MRPS28: variants seen among roughly 807,000 people sequenced by gnomAD.
MRPS28 encodes the protein mitochondrial ribosomal protein S28, also known as small ribosomal subunit protein bS1m.
In MRPS28, 7 loss-of-function variants were observed where a neutral mutation model predicts 10.8. The ratio of observed to expected loss-of-function variants is 0.65; its 90% CI spans 0.37 to 1.22. The LOEUF is 1.22. Among genes scored for constraint, MRPS28 ranks in the 50% most tolerant of loss-of-function variants. The pLI, the probability that MRPS28 is intolerant of heterozygous loss-of-function variation, is 0.02. For missense variants in MRPS28, 265 were observed against 232.9 expected (o/e 1.14, Z -0.90); for synonymous variants, 121 against 93.3 (o/e 1.30, Z -1.71).
Position 80,028,095 on chromosome 8 carries a change from T to C in MRPS28, c.213+1941A>G, listed in dbSNP as rs77358135. Among the ~76,000 whole-genome samples the C allele has an allele frequency of 1.7e-3, 264 of 152,298 alleles. 4 individuals are homozygous for C. Among genetic ancestry groups the C allele is most frequent in the African/African-American group, 6.0e-3 (248 of 41,564 alleles). On this transcript the variant is annotated intron_variant, in intron 1 of 2. Transcript: ENST00000276585. The stretch of plus-strand genomic sequence containing the variant: ...CTCTAAAACACCTTGGTTGTTTCCT[T>C]CATTAAATAAACAGTACATTTTTAG...
intron 1 of MRPS28, among the ~76,000 whole-genome samples, chr8:80,028,426 G>C (rs890218604): frequency 2.0e-5 from 3 of 151,832 alleles, no homozygotes; most frequent in Non-Finnish European, 4.4e-5. Context: ...TCGCTATTCT[G>C]CTAGTATTTT....
chr8:80,026,863 G>C (rs1386268736), intron 1 of MRPS28, among the ~76,000 whole-genome samples: 1 of 152,150 alleles, frequency 6.6e-6, no homozygotes, highest in African/African-American at 2.4e-5. Context: ...CCTCTAGTTA[G>C]AGCATATACT....
chr8:79,935,036 C>G (rs549118902), intron 2 of MRPS28, among the ~76,000 whole-genome samples: 1 of 152,324 alleles, frequency 6.6e-6, no homozygotes, highest in Non-Finnish European at 1.5e-5. Context: ...TATGCCAGCT[C>G]TACCTTTTAA....
chr8:79,962,545 T>C (rs1807399048), intron 2 of MRPS28, among the ~76,000 whole-genome samples: 2 of 152,138 alleles, frequency 1.3e-5, no homozygotes, highest in African/African-American at 4.8e-5. Context: ...TTTTCGTCTA[T>C]GTCCTACAAC....
chr8:79,919,699 A>AC (rs1244072103), intron 2 of MRPS28, among the ~76,000 whole-genome samples: 2 of 152,246 alleles, frequency 1.3e-5, no homozygotes, highest in Admixed American at 1.3e-4. Context: ...TTCAAGCAAG[A>AC]CAGTTCTTAA....
intron 2 of MRPS28, among the ~76,000 whole-genome samples, chr8:79,926,939 TCTC>T (rs1305851279): frequency 6.6e-6 from 1 of 152,164 alleles, no homozygotes; most frequent in Non-Finnish European, 1.5e-5. Context: ...ATGAGTCTGG[TCTC>T]CCGACTGTTC....
chr8:79,931,075 G>C (rs1455694308), intron 2 of MRPS28, among the ~76,000 whole-genome samples: 1 of 152,120 alleles, frequency 6.6e-6, no homozygotes, highest in African/African-American at 2.4e-5. Context: ...CAAAAAAATA[G>C]TGTTAGGCAT....
chr8:80,004,787 T>TA (rs1373514601), intron 1 of MRPS28, among the ~76,000 whole-genome samples: 8 of 152,282 alleles, frequency 5.3e-5, no homozygotes, highest in Non-Finnish European at 8.8e-5. Context: ...AGAGAAGTCC[T>TA]TAAATGACCT....
chr8:79,967,463 C>T (rs1807531145), intron 2 of MRPS28, among the ~76,000 whole-genome samples: 1 of 152,128 alleles, frequency 6.6e-6, no homozygotes, highest in Admixed American at 6.6e-5. Context: ...TGTCTGTTCT[C>T]GTCTAATCAG....
chr8:79,983,343 T>A (rs945075592), intron 2 of MRPS28, among the ~76,000 whole-genome samples: 4 of 151,778 alleles, frequency 2.6e-5, no homozygotes, highest in African/African-American at 9.7e-5. Flanking sequence ...GCAGAAAAAC[T>A]GGAAACTCTA....
chr8:79,948,123 T>C (rs1216944087), intron 2 of MRPS28, among the ~76,000 whole-genome samples: 1 of 151,516 alleles, frequency 6.6e-6, no homozygotes, highest in Non-Finnish European at 1.5e-5. Flanking sequence ...GAGCAGCTAG[T>C]GCTACAGATG....
chr8:80,005,350 G>T (rs1198531441), intron 1 of MRPS28, among the ~76,000 whole-genome samples: 11 of 151,130 alleles, frequency 7.3e-5, no homozygotes, highest in South Asian at 4.2e-4. Flanking sequence ...TTAAAGAAAA[G>T]AATTTTCAAC....
At chr8:79,985,169 A>G (rs1808114768) in intron 2 of MRPS28, among the ~76,000 whole-genome samples, 1 of 152,214 alleles carries the variant, frequency 6.6e-6, no homozygotes, top group Non-Finnish European at 1.5e-5. Flanking sequence ...CTGCTCCTGA[A>G]TGACTACTGG....
At chr8:79,961,389 G>A (rs1003657286) in intron 2 of MRPS28, among the ~76,000 whole-genome samples, 1 of 151,974 alleles carries the variant, frequency 6.6e-6, no homozygotes, top group African/African-American at 2.4e-5. Context: ...CCAACTTCCT[G>A]TTAATATTGA....
At chr8:79,980,792 C>T (rs1186143556) in intron 2 of MRPS28, among the ~76,000 whole-genome samples, 1 of 152,200 alleles carries the variant, frequency 6.6e-6, no homozygotes, top group Non-Finnish European at 1.5e-5. Context: ...ATATGCAGCA[C>T]ATGTTGATTT....
chr8:79,941,562 CAT>C lies in MRPS28; in HGVS notation c.396-22416_396-22415del, dbSNP rs1277026193. On this transcript the variant is annotated intron_variant, in intron 2 of 2. Coordinates refer to ENST00000276585, the MANE Select transcript of MRPS28 (RefSeq NM_014018.3). ...ATTCTCAGAGGTCTCTGAGAAGTCA[CAT>C]AGTCTAATTTCCTGTCCCTAGTCCT... 2.0e-5 allele frequency among the ~76,000 whole-genome samples: 3 copies of C among 152,244 alleles called. No homozygotes were observed. The South Asian group carries it at 6.2e-4, about 32-fold the overall frequency.
chr8:80,028,887 G>A (rs1809568914), intron 1 of MRPS28: 1 of 153,328 alleles, frequency 6.5e-6, no homozygotes, highest in Non-Finnish European at 1.5e-5. Context: ...CTTGAGCCCA[G>A]GGGGTTTAGC....
chr8:79,960,654 GA>G (rs1425143980), intron 2 of MRPS28, among the ~76,000 whole-genome samples: 1 of 152,078 alleles, frequency 6.6e-6, no homozygotes, highest in African/African-American at 2.4e-5. Flanking sequence ...TATTAGTTAG[GA>G]TTTAAAGAAA....
At chr8:80,021,840 T>C (rs1048361746) in intron 1 of MRPS28, among the ~76,000 whole-genome samples, 1 of 152,162 alleles carries the variant, frequency 6.6e-6, no homozygotes, top group African/African-American at 2.4e-5. Context: ...CAAGAATACA[T>C]AGAGAGCCCC....
Sources: allele counts gnomAD v4.1 joint callset (sites outside exome capture counted in the v4.1 genomes callset), GRCh38; gene constraint gnomAD v4.1.1; transcripts MANE v1.5; gene names NCBI Gene and HGNC (gene_info 2026-07-23, HGNC 2026-07-21).